Variants in PTPRS observed in about 807,000 individuals in gnomAD.
PTPRS encodes the protein receptor-type tyrosine-protein phosphatase S.
In PTPRS, 63 loss-of-function variants were observed where a neutral mutation model predicts 215.3. The observed-to-expected ratio is 0.29, with a 90% CI of 0.24 to 0.36. PTPRS has a LOEUF of 0.36. PTPRS is among the 10% of genes least tolerant of loss of function. The pLI is 1.00. For synonymous variants in PTPRS, 1,404 were observed against 1,191.4 expected (o/e 1.18, Z -3.68); for missense variants, 2,258 against 2,825.8 (o/e 0.80, Z 4.56).
At chr19:5,229,756 GCCACTGTCCGATT>G in intron 14 of PTPRS, 72 bp from the exon 15 acceptor site, 1 of 954,790 alleles carries the variant, frequency 1.0e-6, no homozygotes, top group Non-Finnish European at 1.4e-6. Context: ...CCCGGGCAGT[GCCACTGTCCGATT>G]CCAGGATGCC....
At chr19:5,309,603 G>A (rs2049625480) in intron 1 of PTPRS, among the ~76,000 whole-genome samples, 2 of 152,058 alleles carry the variant, frequency 1.3e-5, no homozygotes, top group East Asian at 1.9e-4. Flanking sequence ...TGCTAATGGG[G>A]GCGTTTCCAT....
rs181480955 is a variant in PTPRS, at chr19:5,238,347, C to T, written c.1849+572G>A. On this transcript the variant is annotated intron_variant, in intron 13 of 37. Transcript: ENST00000262963. ...CCGAGTGGGGACCTGCATGCCCCCA[C>T]GAAACCTGGCCTCGGCTCCGATTCC... 3.4e-4 allele frequency among the ~76,000 whole-genome samples: 52 copies of T among 152,280 alleles called. No homozygotes were observed. In the Middle Eastern group the frequency reaches 0.01, roughly 30 times the overall value.
chr19:5,219,555 T>TC (rs1019047276), intron 22 of PTPRS, 88 bp from the exon 23 acceptor site: 2 of 1,430,154 alleles, frequency 1.4e-6, no homozygotes, highest in African/African-American at 2.9e-5. Flanking sequence ...CCTACGTTTC[T>TC]CCCCCGCTCT....
At chr19:5,209,219 T>C (rs1335473017) in intron 35 of PTPRS, among the ~76,000 whole-genome samples, 6 of 152,120 alleles carry the variant, frequency 3.9e-5, no homozygotes, top group Non-Finnish European at 7.4e-5. Flanking sequence ...TACTCAACCA[T>C]TCCTCTTTGC....
At chr19:5,227,430 T>C (rs79379386) in intron 16 of PTPRS, among the ~76,000 whole-genome samples, 1 of 117,656 alleles carries the variant, frequency 8.5e-6, no homozygotes, top group African/African-American at 3.3e-5. Context: ...TTTTTTTTTT[T>C]GGACATAGAG....
intron 1 of PTPRS, among the ~76,000 whole-genome samples, chr19:5,340,353 C>G (rs1177906517): frequency 6.6e-6 from 1 of 151,312 alleles, no homozygotes; most frequent in African/African-American, 2.4e-5. Flanking sequence ...GCTTCCAATG[C>G]CGCGCTCTGG....
intron 1 of PTPRS, among the ~76,000 whole-genome samples, chr19:5,316,664 A>G (rs2049885091): frequency 6.6e-6 from 1 of 152,154 alleles, no homozygotes; most frequent in Non-Finnish European, 1.5e-5. Flanking sequence ...AAGTGCTGGG[A>G]TTACAGGCAT....
chr19:5,297,261 A>G (rs2049164689), intron 1 of PTPRS, among the ~76,000 whole-genome samples: 1 of 152,242 alleles, frequency 6.6e-6, no homozygotes, highest in Non-Finnish European at 1.5e-5. Flanking sequence ...TTTTTTCAAA[A>G]TAACTTTTCT....
intron 13 of PTPRS, among the ~76,000 whole-genome samples, chr19:5,236,821 G>A (rs1291343602): frequency 6.7e-6 from 1 of 149,650 alleles, no homozygotes; most frequent in Non-Finnish European, 1.5e-5. Context: ...TGCCCGGGGG[G>A]TGCGGGGAAT....
intron 18 of PTPRS, 89 bp from the exon 19 acceptor site, chr19:5,222,309 G>A (rs1222659268): frequency 2.8e-6 from 3 of 1,076,102 alleles, no homozygotes; most frequent in South Asian, 2.6e-5. Context: ...GGTGGGGTGG[G>A]GCGGCCCAGG....
chr19:5,318,165 C>T (rs1205437410), intron 1 of PTPRS, among the ~76,000 whole-genome samples: 1 of 149,856 alleles, frequency 6.7e-6, no homozygotes, highest in South Asian at 2.1e-4. Context: ...AGCGAGACTC[C>T]GTCTCCAAAA....
Position 5,210,787 on chromosome 19 carries a change from G to A in PTPRS, c.5253C>T (p.Ile1751=), listed in dbSNP as rs372371666. The A allele has an allele frequency of 2.7e-4, 436 of 1,613,778 alleles. No homozygotes were observed. The highest frequency in any genetic ancestry group is 3.6e-4 in the East Asian group (16 of 44,896). Reference sequence around the variant, plus strand: ...TCTCCGCCAGCGGCCCCTGTGTCGCGATGTAGGCCTTCTGCTGCCTGCAGG... The same window carrying A: ...TCTCCGCCAGCGGCCCCTGTGTCGCAATGTAGGCCTTCTGCTGCCTGCAGG... ...IDGYRQQKAY[I]ATQGPLAETT... is the part of the protein sequence containing the mutation. Residue 1751 remains isoleucine (I), a synonymous_variant, in exon 34 of 38, where the codon ATC becomes ATT. Coordinates refer to ENST00000262963, the MANE Select transcript of PTPRS (RefSeq NM_002850.4). This position sits in a 1 kb window ranked among gnomAD's most constrained non-coding sequence, Gnocchi z 4.5.
At chr19:5,221,734 AG>A (rs2145362701) in intron 19 of PTPRS, among the ~76,000 whole-genome samples, 1 of 152,134 alleles carries the variant, frequency 6.6e-6, no homozygotes, top group Admixed American at 6.5e-5. Flanking sequence ...CTCTGACCTC[AG>A]GCTAAGTACC....
chr19:5,278,751 A>T (rs1418725400), intron 2 of PTPRS, among the ~76,000 whole-genome samples: 2 of 151,998 alleles, frequency 1.3e-5, no homozygotes, highest in African/African-American at 4.8e-5. Context: ...CTGGGATTAC[A>T]GGCGTGAGCC....
At chr19:5,224,306 G>GT (rs1407248061) in intron 17 of PTPRS, among the ~76,000 whole-genome samples, 1 of 152,216 alleles carries the variant, frequency 6.6e-6, no homozygotes, top group Non-Finnish European at 1.5e-5. Context: ...ATGCAAAGGT[G>GT]TAGAGCCGGC....
At chr19:5,234,138 CATA>C (rs1301688518) in intron 13 of PTPRS, among the ~76,000 whole-genome samples, 1 of 151,434 alleles carries the variant, frequency 6.6e-6, no homozygotes, top group Non-Finnish European at 1.5e-5. Context: ...CCAAGGGCTT[CATA>C]ATAATTTACG....
chr19:5,242,542 A>ATT lies in PTPRS; in HGVS notation c.1570+1357_1570+1358dup, dbSNP rs756611742. 1.2e-3 allele frequency among the ~76,000 whole-genome samples: 160 copies of ATT among 132,934 alleles called. 1 individual carries two copies. The highest frequency in any genetic ancestry group is 6.2e-3 in the Admixed American group (83 of 13,302). 87.2% of individuals were successfully genotyped at this position (132,934 alleles called of 152,430 possible). Reference sequence around the variant, plus strand: ...GCCACCACGACTGGCTAATTTTTGTATTTTTTTTTTTTTTTTAGTAGAGAT... The same window carrying ATT: ...GCCACCACGACTGGCTAATTTTTGTATTTTTTTTTTTTTTTTTTAGTAGAGAT... On this transcript the variant is annotated intron_variant, in intron 11 of 37. Transcript: ENST00000262963.
At chr19:5,274,892 A>T (rs997271510) in intron 2 of PTPRS, among the ~76,000 whole-genome samples, 4 of 152,140 alleles carry the variant, frequency 2.6e-5, no homozygotes, top group Non-Finnish European at 5.9e-5. Context: ...CAGAGCCAGT[A>T]TTTGAACCCA....
chr19:5,225,959 A>T (rs2042454756), intron 16 of PTPRS, 115 bp from the exon 17 acceptor site: 2 of 805,632 alleles, frequency 2.5e-6, no homozygotes, highest in Admixed American at 4.0e-5. Flanking sequence ...TCAGGGGTGG[A>T]GACGTGCACA....
Sources: gnomAD v4.1 joint callset for allele counts (sites outside exome capture counted in the v4.1 genomes callset) on GRCh38, gnomAD v4.1.1 for gene constraint, Gnocchi (gnomAD v3.1) non-coding constraint, MANE v1.5 for transcripts, NCBI Gene and HGNC (gene_info 2026-07-23, HGNC 2026-07-21) for gene names.